The following METTL2B variants were observed in gnomAD, a reference collection of about 807,000 sequenced individuals.
METTL2B encodes the protein tRNA N(3)-cytidine methyltransferase METTL2B.
In METTL2B, 28 loss-of-function variants were observed where a neutral mutation model predicts 51.0. That is an observed-to-expected ratio of 0.55 (90% CI 0.41 to 0.75). The LOEUF is 0.75. METTL2B is among the 30% of genes least tolerant of loss of function. The pLI, the probability that METTL2B is intolerant of heterozygous loss-of-function variation, is 0.00. For synonymous variants in METTL2B, 128 were observed against 166.3 expected (o/e 0.77, Z 1.77); for missense variants, 313 against 460.7 (o/e 0.68, Z 2.93).
chr7:128,499,517 C>CTTTT (rs1297101344), intron 7 of METTL2B, among the ~76,000 whole-genome samples: 7 of 119,912 alleles, frequency 5.8e-5, no homozygotes, highest in African/African-American at 9.6e-5. Flanking sequence ...TATTAACAGC[C>CTTTT]TTTTTTTTTT....
intron 5 of METTL2B, chr7:128,488,666 A>G: frequency 2.7e-6 from 1 of 368,500 alleles, no homozygotes; most frequent in Non-Finnish European, 5.5e-6. Flanking sequence ...ACAATATTGC[A>G]ATTAGGCCAC....
intron 4 of METTL2B, among the ~76,000 whole-genome samples, chr7:128,482,450 A>G (rs1447352705): frequency 6.6e-6 from 1 of 151,938 alleles, no homozygotes; most frequent in African/African-American, 2.4e-5. Flanking sequence ...CGCCGCGCCC[A>G]GCCTGCTGAG....
At chr7:128,500,062 G>A (rs752961610) in intron 7 of METTL2B, among the ~76,000 whole-genome samples, 4 of 151,970 alleles carry the variant, frequency 2.6e-5, no homozygotes, top group Non-Finnish European at 5.9e-5. Flanking sequence ...CTCCATCCCC[G>A]TATACCAGTA....
intron 5 of METTL2B, among the ~76,000 whole-genome samples, chr7:128,492,948 G>GT (rs906790009): frequency 4.2e-4 from 61 of 146,590 alleles, no homozygotes; most frequent in Middle Eastern, 3.6e-3. Flanking sequence ...CCTTATGAAT[G>GT]TTTTTTTTTT....
chr7:128,485,690 G>A (rs545125553), intron 4 of METTL2B, among the ~76,000 whole-genome samples: 4 of 146,544 alleles, frequency 2.7e-5, no homozygotes, highest in East Asian at 4.0e-4. Flanking sequence ...AAATTGCCAA[G>A]CATGCTGGCA....
intron 6 of METTL2B, among the ~76,000 whole-genome samples, chr7:128,496,134 A>G (rs1264681121): frequency 1.4e-5 from 2 of 147,468 alleles, no homozygotes; most frequent in Admixed American, 6.8e-5. Context: ...ACCTTCCTCT[A>G]GAAGGCCACA....
intron 4 of METTL2B, among the ~76,000 whole-genome samples, chr7:128,485,064 A>G (rs1792674572): frequency 6.6e-6 from 1 of 152,184 alleles, no homozygotes. Flanking sequence ...ATCTCTATAT[A>G]GATTTATCTT....
chr7:128,486,058 C>G (rs1792700782), intron 4 of METTL2B, among the ~76,000 whole-genome samples: 1 of 152,096 alleles, frequency 6.6e-6, no homozygotes, highest in Non-Finnish European at 1.5e-5. Flanking sequence ...GTTTGAGAGG[C>G]CAAGGTGGGT....
chr7:128,492,118 G>T (rs1792843944), intron 5 of METTL2B, among the ~76,000 whole-genome samples: 1 of 151,090 alleles, frequency 6.6e-6, no homozygotes, highest in South Asian at 2.1e-4. Context: ...CCCACCTCCT[G>T]TGTAACTGGG....
Position 128,476,838 on chromosome 7 carries a change from C to A in METTL2B, c.73C>A (p.Leu25Met), listed in dbSNP as rs143388299. 36 of 1,614,114 alleles carry A rather than the reference C, an allele frequency of 2.2e-5. No homozygotes were observed. In the African/African-American group the frequency reaches 2.9e-4, roughly 13 times the overall value. ...DKRQQFGSRF[L>M]SDPARVFHHN... ...GAGGCAGCAGTTCGGAAGCCGGTTC[C>A]TGAGCGATCCGGCGCGCGTCTTCCA... Residue 25 changes from leucine (L) to methionine (M), a missense_variant, in exon 1 of 9, where the codon CTG becomes ATG. Physicochemically the swap from Leu to Met is conservative, Grantham distance 15. Coordinates refer to ENST00000262432, the MANE Select transcript of METTL2B (RefSeq NM_018396.3).
At chr7:128,481,787 C>T (rs915955520) in intron 4 of METTL2B, among the ~76,000 whole-genome samples, 17 of 152,082 alleles carry the variant, frequency 1.1e-4, no homozygotes, top group African/African-American at 4.1e-4. Context: ...GGACTACAGA[C>T]ACATGCCACC....
chr7:128,499,571 C>G (rs1212065385), intron 7 of METTL2B, among the ~76,000 whole-genome samples: 8 of 134,492 alleles, frequency 5.9e-5, no homozygotes, highest in African/African-American at 8.6e-5. Flanking sequence ...CAGGCTGAAG[C>G]GCAATGGCAC....
chr7:128,484,703 C>G (rs1156993480), intron 4 of METTL2B, among the ~76,000 whole-genome samples: 1 of 152,090 alleles, frequency 6.6e-6, no homozygotes. Context: ...AGCGATTCTC[C>G]TGCCTCAGCC....
chr7:128,501,144 C>T (rs1256416099), intron 8 of METTL2B, 176 bp downstream of exon 8: 12 of 985,362 alleles, frequency 1.2e-5, no homozygotes, highest in Non-Finnish European at 1.4e-5. Flanking sequence ...CAGCCAGCCA[C>T]TCGGGCCCCC....
At chr7:128,488,302 G>A (rs1441964721) in intron 5 of METTL2B, 141 bp downstream of exon 5, 1 of 1,004,454 alleles carries the variant, frequency 1.0e-6, no homozygotes, top group Non-Finnish European at 1.5e-6. Context: ...CTGATAACGA[G>A]CATACCTTGT....
chr7:128,482,158 C>G (rs3993575), intron 4 of METTL2B, among the ~76,000 whole-genome samples: 1 of 151,010 alleles, frequency 6.6e-6, no homozygotes, highest in Non-Finnish European at 1.5e-5. Flanking sequence ...GGGAGTTCAT[C>G]ATGAATAACA....
At chr7:128,501,636 T>C in intron 8 of METTL2B, 126 bp from the exon 9 acceptor site, 1 of 1,499,832 alleles carries the variant, frequency 6.7e-7, no homozygotes, top group Non-Finnish European at 8.9e-7. Context: ...ACTGCATTTA[T>C]AACCAAATGG....
Position 128,495,163 on chromosome 7 carries a change from C to T in METTL2B, c.809+1220C>T, listed in dbSNP as rs546188624. ...GTCTCGAACTCCTGACCTCATGATC[C>T]GCCTGCCACGGCCTCCCAAAGTGCT... On this transcript the variant is annotated intron_variant, in intron 6 of 8. Coordinates refer to ENST00000262432, the MANE Select transcript of METTL2B (RefSeq NM_018396.3). Among the ~76,000 whole-genome samples the T allele has an allele frequency of 2.1e-4, 31 of 151,086 alleles. No homozygotes were observed. In the East Asian group the frequency reaches 5.7e-3, roughly 28 times the overall value.
chr7:128,495,777 A>G (rs1482510961), intron 6 of METTL2B, among the ~76,000 whole-genome samples: 1 of 152,190 alleles, frequency 6.6e-6, no homozygotes, highest in African/African-American at 2.4e-5. Flanking sequence ...AAGGAAGCAG[A>G]GTCAGATGGT....
Sources: allele counts gnomAD v4.1 joint callset (sites outside exome capture counted in the v4.1 genomes callset), GRCh38; gene constraint gnomAD v4.1.1; transcripts MANE v1.5; gene names NCBI Gene and HGNC (gene_info 2026-07-23, HGNC 2026-07-21).